Variants in PAK3 observed in about 807,000 individuals in gnomAD.
PAK3 encodes p21 (RAC1) activated kinase 3, also known as serine/threonine-protein kinase PAK 3.
A neutral mutation model predicts 41.0 loss-of-function variants in PAK3; 4 were observed. The ratio of observed to expected loss-of-function variants is 0.10; its 90% CI spans 0.05 to 0.22. The LOEUF is 0.22. Ranked by LOEUF, PAK3 falls within the 10% of genes least tolerant of loss-of-function variation. The pLI, the probability that PAK3 is intolerant of heterozygous loss-of-function variation, is 1.00. For missense variants in PAK3, 205 were observed against 409.9 expected (o/e 0.50, Z 4.32); for synonymous variants, 146 against 139.6 (o/e 1.05, Z -0.32).
At chrX:111,211,670 G>C (rs2094821715) in intron 16 of PAK3, among the ~76,000 whole-genome samples, 1 of 80,196 alleles carries the variant, frequency 1.2e-5, no homozygotes, top group African/African-American at 1.0e-4. Context: ...GCAAGACTTT[G>C]TCTCAAAAAA....
At chrX:111,204,970 G>A (rs2094728696) in intron 16 of PAK3, among the ~76,000 whole-genome samples, 1 of 85,276 alleles carries the variant, frequency 1.2e-5, no homozygotes, top group South Asian at 6.5e-4. Flanking sequence ...TTTTAATCTA[G>A]GAGGGGCCAA....
At chrX:111,025,173 G>A (rs2092250994) in intron 1 of PAK3, among the ~76,000 whole-genome samples, 1 of 110,998 alleles carries the variant, frequency 9.0e-6, no homozygotes, top group African/African-American at 3.3e-5. Context: ...AAAGTTAGTA[G>A]CATTAAATGC....
At position 111,061,341 on chromosome X, in the gene PAK3, G is replaced by A. The variant is rs773974560; in HGVS notation, c.-27-61736G>A. Among the ~76,000 whole-genome samples, 3 of 110,938 alleles carry A rather than the reference G, an allele frequency of 2.7e-5. No individual in the cohort carries two copies. The East Asian group carries it at 8.5e-4, about 31-fold the overall frequency. On this transcript the variant is annotated intron_variant, in intron 1 of 14. Coordinates refer to the PAK3 transcript ENST00000425146. ...TACATGAATCAGTACTTTTTATTAT[G>A]CCCTATTGATTTATTTTTGTCTAGT...
intron 17 of PAK3, among the ~76,000 whole-genome samples, chrX:111,218,475 T>C (rs1206831280): frequency 1.8e-5 from 2 of 112,219 alleles, no homozygotes; most frequent in African/African-American, 6.5e-5. Context: ...AGAAAATGTC[T>C]TCAAACAGGA....
intron 1 of PAK3, among the ~76,000 whole-genome samples, chrX:110,985,991 G>T (rs1264472768): frequency 8.9e-6 from 1 of 111,848 alleles, no homozygotes; most frequent in Non-Finnish European, 1.9e-5. Context: ...CTGAGGAGCA[G>T]GTAGAAAAGA....
intron 1 of PAK3, among the ~76,000 whole-genome samples, chrX:111,067,587 T>C (rs1015280899): frequency 8.9e-6 from 1 of 111,816 alleles, no homozygotes; most frequent in Admixed American, 9.5e-5. Flanking sequence ...ATTTTTAACA[T>C]GGATGGACAT....
chrX:111,058,694 T>G (rs1304941148), intron 1 of PAK3, among the ~76,000 whole-genome samples: 2 of 111,805 alleles, frequency 1.8e-5, no homozygotes, highest in African/African-American at 6.5e-5. Context: ...TTGAGTTTTT[T>G]TCTTTGGTTG....
chrX:111,181,245 T>C (rs1270580263), intron 11 of PAK3, among the ~76,000 whole-genome samples: 1 of 109,651 alleles, frequency 9.1e-6, no homozygotes. Flanking sequence ...TTACATGTTA[T>C]ATCTCTCCAT....
Position 111,172,978 on chromosome X carries a change from C to A in PAK3, c.767-40C>A, listed in dbSNP as rs753134831. The stretch of plus-strand genomic sequence containing the variant: ...TTTCTCTCTCTCTCTCTCTCTCTTC[C>A]ACCTCCTCCTCTTTTCTTCTCTCCC... On this transcript the variant is annotated intron_variant, in intron 10 of 17. Coordinates refer to ENST00000372007, the MANE Select transcript of PAK3 (RefSeq NM_002578.5). 5.6e-6 allele frequency: 4 copies of A among 718,447 alleles called. No homozygotes were observed. In the African/African-American group the frequency reaches 6.3e-5, roughly 11 times the overall value. The allele number at this position is 718,447 out of a possible 1,213,427, so 59.2% of individuals were successfully genotyped here.
chrX:110,944,489 G>A (rs2148578663), exon 1 of PAK3: 1 of 112,670 alleles, frequency 8.9e-6, no homozygotes, highest in African/African-American at 3.2e-5. Flanking sequence ...CTGCGGCTGT[G>A]ATCTCCTATC....
At chrX:111,168,722 C>T (rs994600119) in intron 10 of PAK3, among the ~76,000 whole-genome samples, 6 of 111,618 alleles carry the variant, frequency 5.4e-5, no homozygotes, top group Admixed American at 9.5e-5. Flanking sequence ...TGAACCCCAC[C>T]ATTTGGAATG....
At chrX:111,021,349 G>A (rs1163178173) in intron 1 of PAK3, among the ~76,000 whole-genome samples, 1 of 112,196 alleles carries the variant, frequency 8.9e-6, no homozygotes, top group Non-Finnish European at 1.9e-5. Flanking sequence ...CCTGAAGACA[G>A]ATTACATCAC....
intron 7 of PAK3, among the ~76,000 whole-genome samples, chrX:111,148,675 A>T (rs1391675325): frequency 1.8e-5 from 2 of 111,481 alleles, no homozygotes; most frequent in African/African-American, 6.5e-5. Flanking sequence ...AAACCATCAG[A>T]TCTCATGAGA....
Position 111,192,140 on chromosome X carries a change from GT to G in PAK3, c.847del (p.Tyr283IlefsTer4). On this transcript the variant is annotated frameshift_variant, in exon 12 of 18. Transcript: ENST00000372007. LOFTEE classifies it high-confidence loss of function. Reference sequence around the variant, plus strand: ...TCACCTTCACAGGGCATCAGGTACTGTTTATACAGCACTAGACATTGCAACA... The same window carrying G: ...TCACCTTCACAGGGCATCAGGTACTGTTATACAGCACTAGACATTGCAACA... ...EKIGQGASGT[V>X]YTALDIATGQ... 1 of 1,121,906 alleles carries G rather than the reference GT, an allele frequency of 8.9e-7. No individual in the cohort carries two copies. Among genetic ancestry groups the G allele is most frequent in the Non-Finnish European group, 1.2e-6 (1 of 814,768 alleles). 92.5% of individuals were successfully genotyped at this position (1,121,906 alleles called of 1,213,427 possible). A position where few individuals can be genotyped will look rare whatever the true frequency, so the allele number is the denominator to read the frequency against.
intron 4 of PAK3, among the ~76,000 whole-genome samples, chrX:111,111,517 G>A (rs752768519): frequency 1.3e-4 from 14 of 111,558 alleles, no homozygotes; most frequent in Non-Finnish European, 1.9e-4. Flanking sequence ...TATAAGTGCC[G>A]TTCTATTGGC....
chrX:111,042,002 C>T (rs1397226219), intron 1 of PAK3, among the ~76,000 whole-genome samples: 3 of 111,973 alleles, frequency 2.7e-5, no homozygotes, highest in Non-Finnish European at 3.8e-5. Context: ...CTCTATTCAA[C>T]AAATAGATGT....
At chrX:111,061,640 A>T (rs182876909) in intron 1 of PAK3, among the ~76,000 whole-genome samples, 7 of 111,603 alleles carry the variant, frequency 6.3e-5, no homozygotes, top group Admixed American at 2.9e-4. Flanking sequence ...TGTTCAGTAC[A>T]TTTTTGTAGT....
At chrX:110,991,460 C>T (rs1288801386) in intron 1 of PAK3, among the ~76,000 whole-genome samples, 6 of 111,370 alleles carry the variant, frequency 5.4e-5, no homozygotes, top group Non-Finnish European at 7.5e-5. Context: ...ATCACTTCCT[C>T]GTTTCTCGGT....
At chrX:111,109,116 A>G (rs2093326044) in intron 4 of PAK3, among the ~76,000 whole-genome samples, 1 of 111,774 alleles carries the variant, frequency 8.9e-6, no homozygotes, top group African/African-American at 3.3e-5. Flanking sequence ...AAGAGAAATT[A>G]CTTATCCCCC....
Sources: allele counts gnomAD v4.1 joint callset (sites outside exome capture counted in the v4.1 genomes callset), GRCh38; gene constraint gnomAD v4.1.1; transcripts MANE v1.5; gene names NCBI Gene and HGNC (gene_info 2026-07-23, HGNC 2026-07-21).